The following MATR3 variants were observed in gnomAD, a reference collection of about 807,000 sequenced individuals.
MATR3 encodes the protein matrin 3, also known as matrin-3.
A neutral mutation model predicts 85.5 loss-of-function variants in MATR3; 4 were observed. The observed-to-expected ratio is 0.05, with a 90% CI of 0.02 to 0.11. The LOEUF (loss-of-function observed/expected upper bound fraction) is 0.11, where lower values mean the gene tolerates loss of function less well. MATR3 is among the 10% of genes least tolerant of loss of function. The probability of loss-of-function intolerance (pLI) is 1.00; values close to 1 mark genes in which losing one functional copy is unlikely to be tolerated. For missense variants in MATR3, 685 were observed against 1,016.1 expected, an observed-to-expected ratio of 0.67 and a Z score of 4.43; for synonymous variants, 336 against 343.1, an observed-to-expected ratio of 0.98 and a Z score of 0.23.
At chr5:139,313,361 G>T (rs1312366358) in intron 2 of MATR3, 1 of 142,898 alleles carries the variant, frequency 7.0e-6, no homozygotes. Flanking sequence ...CATTCCATGT[G>T]CCTGGCAAGG....
Position 139,322,699 on chromosome 5 carries a change from A to G in MATR3, c.1880A>G (p.Gln627Arg), listed in dbSNP as rs2152010076. The G allele has an allele frequency of 6.2e-7, 1 of 1,614,224 alleles. No homozygotes were observed. Among genetic ancestry groups the G allele is most frequent in the Admixed American group, 1.7e-5 (1 of 60,018 alleles). The change falls in exon 12 of 15, where the codon CAA (glutamine) becomes CGA (arginine). Residue 627 changes from glutamine (Q) to arginine (R), a missense_variant. Physicochemically the swap from Gln to Arg is conservative, Grantham distance 43 (BLOSUM62 1). Transcript: ENST00000394805. The part of the protein sequence containing the change: ...KTESSTEGKE[Q>R]EEKSGEDGEK... ...GAGAGTTCAACCGAAGGTAAAGAAC[A>G]AGAAGAGAAGTCCGGTGAAGATGGT...
At chr5:139,293,970 C>T (rs989170463) in intron 1 of MATR3, 165 bp downstream of exon 1, 2 of 1,262,224 alleles carry the variant, frequency 1.6e-6, no homozygotes, top group Non-Finnish European at 2.0e-6. Flanking sequence ...GCCGCCTGAT[C>T]GGCGGCCGCC....
chr5:139,275,502 C>T (rs1340275373), intron 1 of MATR3, among the ~76,000 whole-genome samples: 1 of 152,140 alleles, frequency 6.6e-6, no homozygotes, highest in African/African-American at 2.4e-5. Context: ...TTTTTACTCA[C>T]TCATATTCAC....
At chr5:139,287,856 G>C (rs2080234850) in intron 3 of MATR3, among the ~76,000 whole-genome samples, 1 of 152,174 alleles carries the variant, frequency 6.6e-6, no homozygotes, top group Non-Finnish European at 1.5e-5. Context: ...CTGGAAGTTT[G>C]TCTTTTCCAT....
chr5:139,314,807 TTCA>T (rs1354847838), intron 3 of MATR3, 71 bp downstream of exon 3: 56 of 1,385,820 alleles, frequency 4.0e-5, no homozygotes, highest in Admixed American at 5.1e-5. Flanking sequence ...TTTTTGGGAG[TTCA>T]TCATTTACTT....
intron 14 of MATR3, among the ~76,000 whole-genome samples, chr5:139,327,483 G>A (rs1317217767): frequency 3.3e-5 from 5 of 151,924 alleles, no homozygotes; most frequent in African/African-American, 9.7e-5. Flanking sequence ...GTGCAATGGC[G>A]CGATTTTGGC....
At position 139,329,592 on chromosome 5, in the gene MATR3, T is replaced by C. The variant is rs183623114; in HGVS notation, c.*197T>C. ...CACATATGGTTAAGTTAATGAATAG[T>C]TTTTGTTTTATCAGAATGGCAACAG... On this transcript the variant is annotated 3_prime_UTR_variant, in exon 15 of 15. Coordinates refer to ENST00000394805, the MANE Select transcript of MATR3 (RefSeq NM_018834.6). 86 of 588,202 alleles carry C rather than the reference T, an allele frequency of 1.5e-4. No homozygotes were observed. In the East Asian group the frequency reaches 2.4e-3, roughly 16 times the overall value. 36.4% of individuals were successfully genotyped at this position (588,202 alleles called of 1,614,324 possible).
chr5:139,292,149 A>C (rs1470609016), upstream of MATR3: 1 of 151,208 alleles, frequency 6.6e-6, no homozygotes, highest in South Asian at 2.1e-4. Flanking sequence ...TTTAGTAGAG[A>C]CGGTGTTTCG....
rs397971665 is a variant in MATR3, at chr5:139,284,605, CAAAA to C, written c.-178+5486_-178+5489del. ...CCTGGGTGACAGACTGAGACAGTCT[CAAAA>C]AAAAAAAAAGAAAATAATGGATTTG... On this transcript the variant is annotated intron_variant, in intron 3 of 16. Coordinates refer to ENST00000509990, the Ensembl canonical transcript of MATR3. Among the ~76,000 whole-genome samples, 20 of 124,010 alleles carry C rather than the reference CAAAA, an allele frequency of 1.6e-4. 1 individual carries two copies. The South Asian group carries it at 4.9e-3, about 31-fold the overall frequency. The allele number at this position is 124,010 out of a possible 152,430, so 81.4% of individuals were successfully genotyped here. A position where few individuals can be genotyped will look rare whatever the true frequency, so the allele number is the denominator to read the frequency against.
At chr5:139,326,114 A>G in intron 13 of MATR3, 49 bp from the exon 14 acceptor site, 1 of 1,459,352 alleles carries the variant, frequency 6.9e-7, no homozygotes, top group African/African-American at 1.4e-5. Flanking sequence ...TGTGAATACT[A>G]AATAAAATCT....
intron 14 of MATR3, 103 bp downstream of exon 14, chr5:139,326,387 T>C: frequency 9.2e-7 from 1 of 1,081,412 alleles, no homozygotes; most frequent in Non-Finnish European, 1.4e-6. Context: ...CTAGACTCAG[T>C]GCAGTGCTTT....
intron 1 of MATR3, chr5:139,294,680 A>G (rs1053820169): frequency 1.3e-5 from 2 of 152,110 alleles, no homozygotes; most frequent in African/African-American, 2.4e-5. Flanking sequence ...TCAAAATAGT[A>G]TTAGTCCAGG....
chr5:139,323,778 C>T (rs1581258489), intron 12 of MATR3, among the ~76,000 whole-genome samples: 1 of 152,080 alleles, frequency 6.6e-6, no homozygotes, highest in African/African-American at 2.4e-5. Context: ...CCTGTAGCAG[C>T]TACTTGGAAG....
chr5:139,310,249 T>C (rs906265070), intron 2 of MATR3: 4 of 152,216 alleles, frequency 2.6e-5, no homozygotes, highest in Non-Finnish European at 4.4e-5. Context: ...AGAGGTACTT[T>C]TAGCCTGTAA....
chr5:139,314,501 G>A (rs1755148592), intron 2 of MATR3, 174 bp from the exon 3 acceptor site: 1 of 612,470 alleles, frequency 1.6e-6, no homozygotes, highest in African/African-American at 1.8e-5. Flanking sequence ...GCAGGATCAA[G>A]CCTCAAGGAT....
intron 12 of MATR3, among the ~76,000 whole-genome samples, chr5:139,323,874 A>G (rs1755705276): frequency 6.6e-6 from 1 of 152,072 alleles, no homozygotes; most frequent in Admixed American, 6.5e-5. Context: ...CTGGGTGACA[A>G]GAGCAAGACT....
chr5:139,285,815 C>T (rs770257029), intron 3 of MATR3, among the ~76,000 whole-genome samples: 17 of 151,976 alleles, frequency 1.1e-4, no homozygotes, highest in Admixed American at 6.6e-4. Context: ...GTTTCAACAA[C>T]AGACTCAAAA....
chr5:139,290,382 C>T (rs757738347), upstream of MATR3, among the ~76,000 whole-genome samples: 124 of 148,262 alleles, frequency 8.4e-4, no homozygotes, highest in Non-Finnish European at 1.5e-3. Context: ...TGACCTCAAA[C>T]GATCTGCCTC....
chr5:139,325,699 C>T (rs770473705), intron 13 of MATR3, 37 bp downstream of exon 13: 5 of 1,536,260 alleles, frequency 3.3e-6, no homozygotes, highest in African/African-American at 2.7e-5. Flanking sequence ...CTTCCTCACT[C>T]TCCTCAAAAC....
Sources: gnomAD v4.1 joint callset for allele counts (sites outside exome capture counted in the v4.1 genomes callset) on GRCh38, gnomAD v4.1.1 for gene constraint, MANE v1.5 for transcripts, NCBI Gene and HGNC (gene_info 2026-07-23, HGNC 2026-07-21) for gene names.